Variants in EXTL3 observed in about 807,000 individuals in gnomAD.
EXTL3 encodes exostosin-like 3.
Under a neutral mutation model 69.3 loss-of-function variants are expected in EXTL3, and 27 were observed. The ratio of observed to expected loss-of-function variants is 0.39; its 90% confidence interval spans 0.29 to 0.54. The LOEUF (loss-of-function observed/expected upper bound fraction) is 0.54, where lower values mean the gene tolerates loss of function less well. EXTL3 is among the 20% of genes least tolerant of loss of function. The probability of loss-of-function intolerance (pLI) is 0.69; values close to 1 mark genes in which losing one functional copy is unlikely to be tolerated. For synonymous variants in EXTL3, 511 were observed against 499.4 expected, an observed-to-expected ratio of 1.02 and a Z score of -0.31; for missense variants, 1,003 against 1,231.8, an observed-to-expected ratio of 0.81 and a Z score of 2.78.
chr8:28,738,440 T>C (rs1279386768), intron 5 of EXTL3, among the ~76,000 whole-genome samples: 1 of 152,234 alleles, frequency 6.6e-6, no homozygotes, highest in Admixed American at 6.5e-5. Context: ...ATTACTGGGT[T>C]AAATACAGTT....
intron 1 of EXTL3, among the ~76,000 whole-genome samples, chr8:28,675,707 T>C (rs1381651872): frequency 5.3e-5 from 8 of 152,166 alleles, no homozygotes; most frequent in African/African-American, 9.7e-5. Context: ...CCATTTAGCG[T>C]TGCAGCTTTG....
intron 3 of EXTL3, among the ~76,000 whole-genome samples, chr8:28,719,790 T>C (rs1801257173): frequency 6.6e-6 from 1 of 152,212 alleles, no homozygotes; most frequent in Non-Finnish European, 1.5e-5. Context: ...AGCCATTGTT[T>C]TCCATTTTTC....
At chr8:28,642,972 G>A (rs1426957074) in intron 1 of EXTL3, among the ~76,000 whole-genome samples, 9 of 151,934 alleles carry the variant, frequency 5.9e-5, no homozygotes, top group South Asian at 2.1e-4. Flanking sequence ...GGCCAGGCGC[G>A]CTGGTTCACG....
chr8:28,612,724 G>T (rs1257565051), intron 2 of EXTL3, among the ~76,000 whole-genome samples: 1 of 151,212 alleles, frequency 6.6e-6, no homozygotes, highest in Middle Eastern at 3.4e-3. Context: ...TACACAAATT[G>T]ACTTTTTTTT....
chr8:28,701,315 C>A (rs1462930610), upstream of EXTL3: 1 of 151,740 alleles, frequency 6.6e-6, no homozygotes, highest in Non-Finnish European at 1.5e-5. Flanking sequence ...GGCGCGCCCC[C>A]CCGCGCCTCC....
At chr8:28,681,352 T>C (rs1321907341) in intron 1 of EXTL3, among the ~76,000 whole-genome samples, 1 of 151,400 alleles carries the variant, frequency 6.6e-6, no homozygotes, top group Non-Finnish European at 1.5e-5. Context: ...CTGTCTCTAC[T>C]AAAAATAGCA....
At chr8:28,643,564 G>T (rs1197847375) in intron 1 of EXTL3, among the ~76,000 whole-genome samples, 1 of 151,200 alleles carries the variant, frequency 6.6e-6, no homozygotes, top group African/African-American at 2.4e-5. Flanking sequence ...ACAGGCGCCC[G>T]CTACCACACC....
At chr8:28,722,583 C>T (rs1027757731) in intron 3 of EXTL3, among the ~76,000 whole-genome samples, 1 of 151,812 alleles carries the variant, frequency 6.6e-6, no homozygotes, top group Non-Finnish European at 1.5e-5. Flanking sequence ...TGAGACCAGC[C>T]TGGGCAACAT....
At chr8:28,737,493 C>A (rs1215741385) in intron 4 of EXTL3, 26 bp from the exon 5 acceptor site, 16 of 1,613,720 alleles carry the variant, frequency 9.9e-6, no homozygotes, top group Non-Finnish European at 1.3e-5. Flanking sequence ...GTATTCAGGT[C>A]TGTGTATGCA....
intron 1 of EXTL3, among the ~76,000 whole-genome samples, chr8:28,677,590 C>T (rs1420487617): frequency 6.6e-6 from 1 of 152,162 alleles, no homozygotes; most frequent in Admixed American, 6.5e-5. Flanking sequence ...TTGACAGCTC[C>T]CCTGGGACAT....
intron 1 of EXTL3, among the ~76,000 whole-genome samples, chr8:28,658,077 A>G (rs1486148476): frequency 6.6e-6 from 1 of 152,218 alleles, no homozygotes; most frequent in Non-Finnish European, 1.5e-5. Flanking sequence ...CAGGAAGCTC[A>G]GCAGCTGGGC....
intron 1 of EXTL3, chr8:28,710,249 A>T (rs1250144337): frequency 3.1e-6 from 1 of 323,842 alleles, no homozygotes; most frequent in East Asian, 8.3e-5. Context: ...GGAGGTGAAG[A>T]TGGGAAAAGT....
chr8:28,657,599 CA>C (rs1807032029), intron 1 of EXTL3, among the ~76,000 whole-genome samples: 1 of 151,988 alleles, frequency 6.6e-6, no homozygotes, highest in African/African-American at 2.4e-5. Flanking sequence ...GGTTTGGTAA[CA>C]ATCATGGTTT....
Position 28,665,651 on chromosome 8 carries a change from G to A in EXTL3, c.-53+42841G>A, listed in dbSNP as rs573571585. On this transcript the variant is annotated intron_variant, in intron 1 of 6. Coordinates refer to the EXTL3 transcript ENST00000523149. ...TCAAACTCCTGGGCTCGGGCAATCC[G>A]TCCATCTCAACCTCCCAAAGTGCTG... Among the ~76,000 whole-genome samples the A allele has an allele frequency of 3.4e-4, 51 of 151,978 alleles. 1 individual carries two copies. In the South Asian group the frequency reaches 8.5e-3, roughly 25 times the overall value.
intron 3 of EXTL3, among the ~76,000 whole-genome samples, chr8:28,721,962 C>T (rs1024791823): frequency 1.3e-5 from 2 of 152,198 alleles, no homozygotes; most frequent in Non-Finnish European, 2.9e-5. Context: ...ACTGCTGAGA[C>T]AGTCTCTTGG....
chr8:28,656,298 G>A (rs182930900), intron 1 of EXTL3, among the ~76,000 whole-genome samples: 198 of 150,320 alleles, frequency 1.3e-3, no homozygotes, highest in African/African-American at 4.8e-3. Context: ...TCAGCCTCTT[G>A]AGTAGCTGGG....
rs151022825 is a variant in EXTL3 at position 28,639,769 on chromosome 8, T to C, written c.-53+16959T>C. On this transcript the variant is annotated intron_variant, in intron 1 of 6. Coordinates refer to the EXTL3 transcript ENST00000523149. Reference sequence around the variant, plus strand: ...TACTCTTCCTGTTAGAACATTCTACTTTTTCCATCTTAGCACTTATCACCC... The same window carrying C: ...TACTCTTCCTGTTAGAACATTCTACCTTTTCCATCTTAGCACTTATCACCC... 3.0e-3 allele frequency among the ~76,000 whole-genome samples: 455 copies of C among 152,344 alleles called. 3 individuals are homozygous for C. Among genetic ancestry groups the C allele is most frequent in the Admixed American group, 4.1e-3 (62 of 15,304 alleles).
At chr8:28,735,217 GTA>G in intron 4 of EXTL3, among the ~76,000 whole-genome samples, 1 of 152,172 alleles carries the variant, frequency 6.6e-6, no homozygotes, top group South Asian at 2.1e-4. Context: ...GGGGTGGGCG[GTA>G]GGGAGTGTGT....
intron 3 of EXTL3, among the ~76,000 whole-genome samples, chr8:28,726,448 T>C (rs1261104927): frequency 6.6e-6 from 1 of 152,208 alleles, no homozygotes; most frequent in African/African-American, 2.4e-5. Context: ...GAAATCTTTT[T>C]GCGGCTATAG....
Sources: gnomAD v4.1 joint callset for allele counts (sites outside exome capture counted in the v4.1 genomes callset) on GRCh38, gnomAD v4.1.1 for gene constraint, MANE v1.5 for transcripts, NCBI Gene and HGNC (gene_info 2026-07-23, HGNC 2026-07-21) for gene names.